Variants in TRDN observed in about 807,000 individuals in gnomAD.
TRDN encodes the protein triadin in skeletal muscle.
TRDN carries 161 observed loss-of-function variants against 149.7 expected under a neutral mutation model. That is an observed-to-expected ratio of 1.08 (90% CI 0.95 to 1.23). The LOEUF (loss-of-function observed/expected upper bound fraction) is 1.23. Among genes scored for constraint, TRDN ranks in the 50% most tolerant of loss-of-function variants. The pLI is 0.00. For missense variants in TRDN, 896 were observed against 823.5 expected (o/e 1.09, Z -1.08); for synonymous variants, 294 against 250.5 (o/e 1.17, Z -1.64).
intron 8 of TRDN, among the ~76,000 whole-genome samples, chr6:123,499,719 A>AAAAAAAAAAATATATATATATAT: frequency 2.1e-5 from 1 of 47,678 alleles, no homozygotes; most frequent in Admixed American, 3.0e-4. Context: ...AAAAAAAAAA[A>AAAAAAAAAAATATATATATATAT]ATATATATAT....
intron 23 of TRDN, among the ~76,000 whole-genome samples, chr6:123,319,298 G>A (rs931454494): frequency 4.6e-5 from 7 of 151,618 alleles, no homozygotes; most frequent in African/African-American, 7.3e-5. Context: ...AAGTGGCAAC[G>A]GATTTTCTAA....
At chr6:123,502,501 T>G (rs1364098341) in intron 8 of TRDN, 59 of 918,144 alleles carry the variant, frequency 6.4e-5, no homozygotes, top group Non-Finnish European at 7.3e-5. Flanking sequence ...AAATATATAT[T>G]TTTAAAATAT....
At chr6:123,437,428 G>A in intron 12 of TRDN, 1 of 288,510 alleles carries the variant, frequency 3.5e-6, no homozygotes, top group South Asian at 3.3e-5. Flanking sequence ...TGAGGAGACA[G>A]GGTCTTCCTC....
chr6:123,561,313 T>C (rs1223501828), intron 2 of TRDN, among the ~76,000 whole-genome samples: 2 of 152,172 alleles, frequency 1.3e-5, no homozygotes, highest in Non-Finnish European at 2.9e-5. Flanking sequence ...AACGGACTAA[T>C]GGTCTTTTAA....
intron 9 of TRDN, among the ~76,000 whole-genome samples, chr6:123,472,086 G>C (rs1168933767): frequency 6.6e-6 from 1 of 152,200 alleles, no homozygotes; most frequent in Non-Finnish European, 1.5e-5. Flanking sequence ...AGCCAAGATG[G>C]CCGAATAGGA....
intron 9 of TRDN, among the ~76,000 whole-genome samples, chr6:123,469,252 C>T (rs904696687): frequency 2.0e-5 from 3 of 152,134 alleles, no homozygotes; most frequent in Non-Finnish European, 4.4e-5. Context: ...TAGGCTGAGA[C>T]ATGTGATTGT....
intron 2 of TRDN, among the ~76,000 whole-genome samples, chr6:123,551,354 C>CACAA (rs1781380730): frequency 6.7e-6 from 1 of 150,148 alleles, no homozygotes. Flanking sequence ...CACACACACA[C>CACAA]ACACACACAC....
chr6:123,404,402 A>G (rs1326245884), intron 12 of TRDN, among the ~76,000 whole-genome samples: 1 of 152,102 alleles, frequency 6.6e-6, no homozygotes, highest in Non-Finnish European at 1.5e-5. Context: ...TCTATTTTTA[A>G]CCTTTTTTAA....
At chr6:123,623,599 C>T (rs1456151547) in intron 1 of TRDN, among the ~76,000 whole-genome samples, 2 of 152,062 alleles carry the variant, frequency 1.3e-5, no homozygotes, top group African/African-American at 2.4e-5. Context: ...CCCAAGATCA[C>T]CATATTTATT....
intron 4 of TRDN, among the ~76,000 whole-genome samples, chr6:123,535,033 G>A (rs937237408): frequency 3.9e-5 from 6 of 152,090 alleles, no homozygotes; most frequent in Admixed American, 1.3e-4. Flanking sequence ...ATTTGTAACC[G>A]GTAAATCTTA....
chr6:123,358,177 G>C (rs1417554910), intron 20 of TRDN, among the ~76,000 whole-genome samples: 3 of 151,988 alleles, frequency 2.0e-5, no homozygotes, highest in African/African-American at 4.8e-5. Flanking sequence ...TTTTGTAGAA[G>C]CGTATTTTAG....
chr6:123,378,296 C>G (rs1396047406), intron 16 of TRDN, among the ~76,000 whole-genome samples: 1 of 152,066 alleles, frequency 6.6e-6, no homozygotes, highest in Non-Finnish European at 1.5e-5. Context: ...CTTAGTTTTT[C>G]TGAGACAGGG....
chr6:123,478,943 T>G (rs1777622174), intron 9 of TRDN, among the ~76,000 whole-genome samples: 1 of 152,202 alleles, frequency 6.6e-6, no homozygotes, highest in African/African-American at 2.4e-5. Flanking sequence ...TTGTTTGTTT[T>G]TTTAAATCTT....
chr6:123,502,584 A>G, intron 8 of TRDN: 1 of 984,932 alleles, frequency 1.0e-6, no homozygotes, highest in Non-Finnish European at 1.2e-6. Flanking sequence ...CAAATTCAAG[A>G]GAAAAAAGAT....
chr6:123,285,800 A>G (rs895301272), intron 24 of TRDN, among the ~76,000 whole-genome samples: 6 of 151,980 alleles, frequency 3.9e-5, no homozygotes, highest in African/African-American at 1.4e-4. Flanking sequence ...TGACAAAGAA[A>G]TAATATCCAG....
At chr6:123,377,986 A>G in intron 16 of TRDN, 88 bp from the exon 17 acceptor site, 2 of 953,296 alleles carry the variant, frequency 2.1e-6, no homozygotes, top group Non-Finnish European at 3.0e-6. Context: ...ACAAAGAAAC[A>G]TGCATGTGCT....
At chr6:123,622,307 A>ATG (rs1458419691) in intron 1 of TRDN, among the ~76,000 whole-genome samples, 2 of 135,222 alleles carry the variant, frequency 1.5e-5, no homozygotes, top group Non-Finnish European at 3.1e-5. Flanking sequence ...CTCTCTCTAT[A>ATG]TATATATACA....
intron 23 of TRDN, among the ~76,000 whole-genome samples, chr6:123,324,440 C>T (rs1779366764): frequency 6.6e-6 from 1 of 151,926 alleles, no homozygotes; most frequent in Admixed American, 6.6e-5. Flanking sequence ...CAGAGCAAGA[C>T]CTCATCTCTG....
At chr6:123,584,590 T>G (rs186581053) in intron 1 of TRDN, among the ~76,000 whole-genome samples, 1 of 152,192 alleles carries the variant, frequency 6.6e-6, no homozygotes, top group African/African-American at 2.4e-5. Context: ...TATGAGATTA[T>G]GCCGAGATAG....
Sources: allele counts gnomAD v4.1 joint callset (sites outside exome capture counted in the v4.1 genomes callset), GRCh38; gene constraint gnomAD v4.1.1; transcripts MANE v1.5; gene names NCBI Gene and HGNC (gene_info 2026-07-23, HGNC 2026-07-21).